Variants in PLIN3 observed in about 807,000 individuals in gnomAD.
PLIN3 encodes the protein perilipin 3.
A neutral mutation model predicts 35.9 loss-of-function variants in PLIN3; 30 were observed. The ratio of observed to expected loss-of-function variants is 0.84; its 90% confidence interval spans 0.62 to 1.13. The LOEUF (loss-of-function observed/expected upper bound fraction) is 1.13. Among genes scored for constraint, PLIN3 ranks in the 50% most tolerant of loss-of-function variants. PLIN3 has a pLI of 0.00. For synonymous variants in PLIN3, 261 were observed against 262.5 expected, an observed-to-expected ratio of 0.99 and a Z score of 0.06; for missense variants, 603 against 596.9, an observed-to-expected ratio of 1.01 and a Z score of -0.11.
rs750348493 is a variant in PLIN3 at position 4,847,797 on chromosome 19, G to C, written c.728C>G (p.Ser243Trp). 1.9e-6 allele frequency: 3 copies of C among 1,613,742 alleles called. No individual in the cohort carries two copies. In the East Asian group the frequency reaches 6.7e-5, roughly 36 times the overall value. ...QSYFVRLGSL[S>W]ERLRQHAYEH... Reference sequence around the variant, plus strand: ...ATAGGCGTGCTGCCGCAGCCTCTCCGACAGGGAGCCCAGACGTACGAAGTA... The same window carrying C: ...ATAGGCGTGCTGCCGCAGCCTCTCCCACAGGGAGCCCAGACGTACGAAGTA... Residue 243 changes from serine to tryptophan, a missense_variant, in exon 6 of 8, where the codon TCG becomes TGG. Transcript: ENST00000221957.
At chr19:4,863,782 T>G (rs1486152552) in intron 1 of PLIN3, among the ~76,000 whole-genome samples, 1 of 148,864 alleles carries the variant, frequency 6.7e-6, no homozygotes, top group African/African-American at 2.5e-5. Flanking sequence ...GACCTGGTAT[T>G]GCACCACTGC....
At chr19:4,858,577 T>C (rs1179509893) in intron 4 of PLIN3, among the ~76,000 whole-genome samples, 2 of 150,480 alleles carry the variant, frequency 1.3e-5, no homozygotes, top group Non-Finnish European at 3.0e-5. Flanking sequence ...AGAGATGGGG[T>C]TTCACTGTGT....
chr19:4,860,375 T>G, intron 2 of PLIN3, among the ~76,000 whole-genome samples: 1 of 151,916 alleles, frequency 6.6e-6, no homozygotes, highest in East Asian at 2.0e-4. Context: ...GCTAATTTTT[T>G]TGTATTTTTA....
At chr19:4,848,953 T>A (rs1375622409) in intron 5 of PLIN3, among the ~76,000 whole-genome samples, 1 of 152,124 alleles carries the variant, frequency 6.6e-6, no homozygotes, top group Non-Finnish European at 1.5e-5. Flanking sequence ...ATATATACCG[T>A]ATTTTTCCTG....
In PLIN3 at chr19:4,851,914, G is replaced by A. The variant is rs1010224638; in HGVS notation, c.634+102C>T. 5.7e-6 allele frequency: 7 copies of A among 1,231,956 alleles called. No individual in the cohort carries two copies. The African/African-American group carries it at 6.0e-5, about 10-fold the overall frequency. The allele number at this position is 1,231,956 out of a possible 1,614,324, so 76.3% of individuals were successfully genotyped here. On this transcript the variant is annotated intron_variant, in intron 5 of 7. Coordinates refer to ENST00000221957, the MANE Select transcript of PLIN3 (RefSeq NM_005817.5). ...GATGCCCGGGAGAAGTGGCAGGGAC[G>A]AGGCGGCAGTGAGTGTCGGCACAGA... is the stretch of plus-strand genomic sequence containing the variant.
intron 5 of PLIN3, among the ~76,000 whole-genome samples, chr19:4,851,041 T>C (rs1364646580): frequency 6.6e-6 from 1 of 152,124 alleles, no homozygotes; most frequent in Non-Finnish European, 1.5e-5. Flanking sequence ...GGTGTGTGCT[T>C]GTAGTCCCAG....
chr19:4,862,554 G>C (rs1481442842), intron 1 of PLIN3, among the ~76,000 whole-genome samples: 1 of 152,094 alleles, frequency 6.6e-6, no homozygotes, highest in Non-Finnish European at 1.5e-5. Flanking sequence ...CCCTGACCCT[G>C]CATTTCTAAA....
intron 1 of PLIN3, among the ~76,000 whole-genome samples, chr19:4,863,450 TCG>T (rs2030740847): frequency 6.9e-6 from 1 of 144,534 alleles, no homozygotes; most frequent in Admixed American, 7.1e-5. Flanking sequence ...TGAGCCGAGA[TCG>T]CGCCGCTGCA....
chr19:4,858,688 T>C (rs1387740548), intron 4 of PLIN3, among the ~76,000 whole-genome samples: 1 of 75,448 alleles, frequency 1.3e-5, no homozygotes, highest in Non-Finnish European at 2.9e-5. Flanking sequence ...GGCCAGAATA[T>C]GGTGTTTTTT....
chr19:4,846,151 A>G (rs780759498), intron 6 of PLIN3, among the ~76,000 whole-genome samples: 63 of 151,874 alleles, frequency 4.1e-4, no homozygotes, highest in Middle Eastern at 6.8e-3. Context: ...GCATGAACCC[A>G]GGAGGCGGAG....
At chr19:4,854,281 T>C (rs80146319) in intron 4 of PLIN3, among the ~76,000 whole-genome samples, 38 of 152,188 alleles carry the variant, frequency 2.5e-4, no homozygotes, top group Non-Finnish European at 4.4e-4. Flanking sequence ...CTCCGCAAAG[T>C]TGAAAACCAC....
intron 4 of PLIN3, among the ~76,000 whole-genome samples, chr19:4,857,438 C>T (rs2030510914): frequency 6.6e-6 from 1 of 151,828 alleles, no homozygotes; most frequent in African/African-American, 2.4e-5. Flanking sequence ...CATGGTGGTG[C>T]ATGCCTGTGG....
Position 4,859,680 on chromosome 19 carries a change from C to T in PLIN3, c.266-8G>A. On this transcript the variant is annotated splice_region_variant and splice_polypyrimidine_tract_variant and intron_variant, in intron 3 of 7. Coordinates refer to ENST00000221957, the MANE Select transcript of PLIN3 (RefSeq NM_005817.5). ...ATTCGCTGGCTGATGCAACTGCCAACAACAATTAAGACGCAAATGTGACTG... is the reference window on the plus strand; with the variant it reads ...ATTCGCTGGCTGATGCAACTGCCAATAACAATTAAGACGCAAATGTGACTG... 6.2e-7 allele frequency: 1 copy of T among 1,613,988 alleles called. No homozygotes were observed. The highest frequency in any genetic ancestry group is 8.5e-7 in the Non-Finnish European group (1 of 1,179,880).
At chr19:4,854,575 T>C (rs2030412090) in intron 4 of PLIN3, among the ~76,000 whole-genome samples, 1 of 151,946 alleles carries the variant, frequency 6.6e-6, no homozygotes, top group South Asian at 2.1e-4. Flanking sequence ...GGCTAATTTT[T>C]TGTATTTTTA....
intron 7 of PLIN3, among the ~76,000 whole-genome samples, chr19:4,841,433 T>C (rs2029889486): frequency 2.0e-5 from 3 of 152,012 alleles, no homozygotes; most frequent in African/African-American, 4.8e-5. Flanking sequence ...CAGGAGGGGA[T>C]ACGTGGTTGG....
intron 4 of PLIN3, 30 bp downstream of exon 4, chr19:4,859,560 G>C (rs756115501): frequency 2.9e-5 from 46 of 1,600,660 alleles, no homozygotes; most frequent in Non-Finnish European, 3.9e-5. Flanking sequence ...TCCCTGTCTC[G>C]ACAGAGCCCC....
chr19:4,840,738 G>T (rs985286570), intron 7 of PLIN3, among the ~76,000 whole-genome samples: 1 of 152,116 alleles, frequency 6.6e-6, no homozygotes. Context: ...GATCACCGAG[G>T]TCAGGAGTTC....
At chr19:4,861,295 G>A (rs377708451) in intron 2 of PLIN3, 34 bp downstream of exon 2, 14 of 1,589,394 alleles carry the variant, frequency 8.8e-6, no homozygotes, top group African/African-American at 1.3e-5. Flanking sequence ...GAATCACAGG[G>A]TCGGGGCAGT....
intron 4 of PLIN3, among the ~76,000 whole-genome samples, chr19:4,852,624 C>G (rs969931638): frequency 1.3e-5 from 2 of 152,088 alleles, no homozygotes; most frequent in African/African-American, 2.4e-5. Flanking sequence ...CTCTACCTCC[C>G]TGTACCTCAT....
Sources: allele counts gnomAD v4.1 joint callset (sites outside exome capture counted in the v4.1 genomes callset), GRCh38; gene constraint gnomAD v4.1.1; transcripts MANE v1.5; gene names NCBI Gene and HGNC (gene_info 2026-07-23, HGNC 2026-07-21).